The following C3orf70 variants were observed in gnomAD, a reference collection of about 807,000 sequenced individuals.
C3orf70 encodes chromosome 3 open reading frame 70.
Under a neutral mutation model 20.7 loss-of-function variants are expected in C3orf70, and 15 were observed. The observed-to-expected ratio is 0.72, with a 90% confidence interval of 0.48 to 1.11. C3orf70 has a LOEUF of 1.11. C3orf70 is among the 50% of genes most tolerant of loss of function. C3orf70 has a pLI of 0.00. For missense variants in C3orf70, 332 were observed against 317.6 expected (o/e 1.05, Z -0.34); for synonymous variants, 161 against 125.7 (o/e 1.28, Z -1.88).
intron 1 of C3orf70, among the ~76,000 whole-genome samples, chr3:185,112,144 T>A (rs1008075587): frequency 1.3e-5 from 2 of 151,630 alleles, no homozygotes; most frequent in African/African-American, 4.8e-5. Flanking sequence ...TACAAAAAAA[T>A]AAGCCAGGTG....
chr3:185,085,434 T>A (rs971227719), intron 1 of C3orf70, among the ~76,000 whole-genome samples: 6 of 152,152 alleles, frequency 3.9e-5, no homozygotes, highest in Non-Finnish European at 7.4e-5. Flanking sequence ...CACAATTTCT[T>A]TATAACCAAA....
At chr3:185,131,564 A>C (rs1032784383) in intron 1 of C3orf70, among the ~76,000 whole-genome samples, 1 of 152,246 alleles carries the variant, frequency 6.6e-6, no homozygotes, top group Non-Finnish European at 1.5e-5. Context: ...TTTTTGTAAC[A>C]GACTTTTTTC....
At chr3:185,092,541 G>A (rs995966412) in intron 1 of C3orf70, among the ~76,000 whole-genome samples, 1 of 152,154 alleles carries the variant, frequency 6.6e-6, no homozygotes, top group African/African-American at 2.4e-5. Flanking sequence ...GGTTCATGGG[G>A]TAAAAACAGC....
intron 1 of C3orf70, among the ~76,000 whole-genome samples, chr3:185,129,011 TTC>T (rs1716473826): frequency 1.3e-5 from 2 of 152,352 alleles, no homozygotes; most frequent in African/African-American, 4.8e-5. Flanking sequence ...AATTATCTAT[TTC>T]TCTTTAAAAG....
chr3:185,097,818 G>A (rs906799327), intron 1 of C3orf70, among the ~76,000 whole-genome samples: 1 of 152,214 alleles, frequency 6.6e-6, no homozygotes, highest in African/African-American at 2.4e-5. Context: ...GACAAAACTG[G>A]AGCAGTATGT....
chr3:185,108,424 TCA>T (rs1487751447), intron 1 of C3orf70, among the ~76,000 whole-genome samples: 1 of 152,242 alleles, frequency 6.6e-6, no homozygotes, highest in African/African-American at 2.4e-5. Context: ...TTGAAAATGC[TCA>T]GTTACAATTT....
At chr3:185,107,002 A>G (rs1034480416) in intron 1 of C3orf70, among the ~76,000 whole-genome samples, 7 of 152,052 alleles carry the variant, frequency 4.6e-5, no homozygotes, top group Admixed American at 1.3e-4. Context: ...GAAATTAAAC[A>G]AACAGGAGGA....
intron 1 of C3orf70, among the ~76,000 whole-genome samples, chr3:185,114,534 T>A (rs1716138002): frequency 6.6e-6 from 1 of 152,184 alleles, no homozygotes; most frequent in African/African-American, 2.4e-5. Flanking sequence ...ATCAGAAACC[T>A]ATCCTAAAAT....
chr3:185,116,027 T>C (rs1312888360), intron 1 of C3orf70, among the ~76,000 whole-genome samples: 4 of 152,224 alleles, frequency 2.6e-5, no homozygotes, highest in African/African-American at 9.6e-5. Context: ...AGATGGTCTC[T>C]GCAACGGAGC....
At chr3:185,151,218 T>C (rs1345863641) in intron 1 of C3orf70, among the ~76,000 whole-genome samples, 1 of 151,922 alleles carries the variant, frequency 6.6e-6, no homozygotes, top group African/African-American at 2.4e-5. Flanking sequence ...AACTGCAAGG[T>C]TCCCATCAGT....
chr3:185,108,842 A>G (rs954336096), intron 1 of C3orf70, among the ~76,000 whole-genome samples: 9 of 152,198 alleles, frequency 5.9e-5, no homozygotes, highest in African/African-American at 2.2e-4. Flanking sequence ...ATGTACATGT[A>G]TGTGTGGACA....
At position 185,152,918 on chromosome 3, in the gene C3orf70, G is replaced by A. The variant is rs1254266743; in HGVS notation, c.-95C>T. On this transcript the variant is annotated 5_prime_UTR_variant, in exon 1 of 2. Coordinates refer to ENST00000335012, the MANE Select transcript of C3orf70 (RefSeq NM_001025266.3). ...GAGCCGGCTGCGGACGCGGGAGGGCGCGGCACGGGCCGGGAGTCACGCCAG... is the reference window on the plus strand; with the variant it reads ...GAGCCGGCTGCGGACGCGGGAGGGCACGGCACGGGCCGGGAGTCACGCCAG... The A allele has an allele frequency of 1.4e-5, 17 of 1,220,438 alleles. No individual in the cohort carries two copies. The highest frequency in any genetic ancestry group is 1.8e-5 in the Non-Finnish European group (17 of 929,890). 75.6% of individuals were successfully genotyped at this position (1,220,438 alleles called of 1,614,324 possible).
In C3orf70 at chr3:185,091,978, T is replaced by A. The variant is rs1346585901; in HGVS notation, c.197-8415A>T. Among the ~76,000 whole-genome samples, 2 of 95,284 alleles carry A rather than the reference T, an allele frequency of 2.1e-5. 1 individual carries two copies. Among genetic ancestry groups the A allele is most frequent in the East Asian group, 6.8e-4 (2 of 2,958 alleles). 62.5% of individuals were successfully genotyped at this position (95,284 alleles called of 152,430 possible). A position where few individuals can be genotyped will look rare whatever the true frequency, so the allele number is the denominator to read the frequency against. On this transcript the variant is annotated intron_variant, in intron 1 of 1. Transcript: ENST00000335012. ...ATATATATATATTTTTTTTTTTTTTTAGTAGAGACAGGGTTTCACTATGTT... is the reference window on the plus strand; with the variant it reads ...ATATATATATATTTTTTTTTTTTTTAAGTAGAGACAGGGTTTCACTATGTT...
At chr3:185,134,894 C>T (rs1716591556) in intron 1 of C3orf70, among the ~76,000 whole-genome samples, 1 of 152,100 alleles carries the variant, frequency 6.6e-6, no homozygotes, top group East Asian at 1.9e-4. Flanking sequence ...CCCACTCCCA[C>T]CCAGAGATAC....
intron 1 of C3orf70, among the ~76,000 whole-genome samples, chr3:185,142,549 G>A (rs941817376): frequency 4.6e-5 from 7 of 152,274 alleles, no homozygotes; most frequent in East Asian, 1.9e-4. Context: ...TTTGAACATC[G>A]CTGTTTTGCA....
In C3orf70 at chr3:185,152,676, C is replaced by T. The variant is rs368584650; in HGVS notation, c.148G>A (p.Gly50Ser). ...GLSICATHSH[G>S]KCFKLHWCCH... ...CACCAGTGCAGCTTGAAGCACTTGC[C>T]ATGGCTGTGCGTGGCACAGATAGAC... The change falls in exon 1 of 2, where the codon GGC (glycine) becomes AGC (serine). Residue 50 changes from glycine (G) to serine (S), a missense_variant. Coordinates refer to ENST00000335012, the MANE Select transcript of C3orf70 (RefSeq NM_001025266.3). 13 of 1,592,894 alleles carry T rather than the reference C, an allele frequency of 8.2e-6. No homozygotes were observed. The African/African-American group carries it at 1.4e-4, about 17-fold the overall frequency.
At chr3:185,139,015 T>C (rs1716686247) in intron 1 of C3orf70, among the ~76,000 whole-genome samples, 1 of 151,980 alleles carries the variant, frequency 6.6e-6, no homozygotes, top group African/African-American at 2.4e-5. Context: ...GGCAGGAGGA[T>C]CATTTGAGCC....
chr3:185,082,130 A>T lies in C3orf70; in HGVS notation c.*877T>A, dbSNP rs1184502899. 6.6e-6 allele frequency: 1 copy of T among 152,232 alleles called. No individual in the cohort carries two copies. Among genetic ancestry groups the T allele is most frequent in the East Asian group, 1.9e-4 (1 of 5,192 alleles). 9.4% of individuals were successfully genotyped at this position (152,232 alleles called of 1,614,324 possible). A position where few individuals can be genotyped will look rare whatever the true frequency, so the allele number is the denominator to read the frequency against. ...GAAAAATGTTGGGGAACCCACCAAG[A>T]AGCCAGCTCAAATGCTGAAACACAT... On this transcript the variant is annotated 3_prime_UTR_variant, in exon 2 of 2. Transcript: ENST00000335012.
chr3:185,144,722 T>C (rs974059495), intron 1 of C3orf70, among the ~76,000 whole-genome samples: 69 of 49,350 alleles, frequency 1.4e-3, no homozygotes, highest in Non-Finnish European at 2.6e-3. Flanking sequence ...TCCGCCTGCC[T>C]TGGCTCTCAA....
Sources: gnomAD v4.1 joint callset for allele counts (sites outside exome capture counted in the v4.1 genomes callset) on GRCh38, gnomAD v4.1.1 for gene constraint, MANE v1.5 for transcripts, NCBI Gene and HGNC (gene_info 2026-07-23, HGNC 2026-07-21) for gene names.